Variants in ERCC6 observed in about 807,000 individuals in gnomAD.
The protein encoded by ERCC6 is ERCC excision repair 6, chromatin remodeling factor, also known as DNA excision repair protein ERCC-6.
Under a neutral mutation model 158.7 loss-of-function variants are expected in ERCC6, and 116 were observed. The ratio of observed to expected loss-of-function variants is 0.73; its 90% CI spans 0.63 to 0.85. The LOEUF is 0.85. Among genes scored for constraint, ERCC6 ranks in the 40% least tolerant of loss-of-function variants. The pLI, the probability that ERCC6 is intolerant of heterozygous loss-of-function variation, is 0.00. For missense variants in ERCC6, 1,698 were observed against 1,799.4 expected (o/e 0.94, Z 1.02); for synonymous variants, 678 against 659.3 (o/e 1.03, Z -0.43).
chr10:49,509,665 G>C (rs1419887241), intron 5 of ERCC6, among the ~76,000 whole-genome samples: 1 of 152,012 alleles, frequency 6.6e-6, no homozygotes, highest in Non-Finnish European at 1.5e-5. Context: ...GGTAGGGAGT[G>C]GGTAAGAATT....
At position 49,470,203 on chromosome 10, in the gene ERCC6, C is replaced by G; in HGVS notation, c.3757G>C (p.Glu1253Gln). 1.9e-6 allele frequency: 3 copies of G among 1,614,096 alleles called. No homozygotes were observed. Among genetic ancestry groups the G allele is most frequent in the South Asian group, 1.1e-5 (1 of 91,070 alleles). The change falls in exon 18 of 21, where the codon GAA (glutamate) becomes CAA (glutamine). Residue 1253 changes from glutamate to glutamine, a missense_variant. Physicochemically the swap from Glu to Gln is conservative, Grantham distance 29. Coordinates refer to ENST00000355832, the MANE Select transcript of ERCC6 (RefSeq NM_000124.4). ...TTACCTGATTTTTTGAAAAGCTTTTCCAAAACATAATCGTCATTGCTCTGT... is the reference window on the plus strand; with the variant it reads ...TTACCTGATTTTTTGAAAAGCTTTTGCAAAACATAATCGTCATTGCTCTGT... ...KEQSNDDYVL[E>Q]KLFKKSVGVH... is the part of the protein sequence containing the mutation.
rs1158542431 is a variant in ERCC6 at position 49,456,332 on chromosome 10, T to C, written c.*2483A>G. 1 of 152,180 alleles carries C rather than the reference T, an allele frequency of 6.6e-6. No individual in the cohort carries two copies. The highest frequency in any genetic ancestry group is 1.5e-5 in the Non-Finnish European group (1 of 68,034). The allele number at this position is 152,180 out of a possible 1,614,324, so 9.4% of individuals were successfully genotyped here. A position where few individuals can be genotyped will look rare whatever the true frequency, so the allele number is the denominator to read the frequency against. The stretch of plus-strand genomic sequence containing the variant: ...AAAGGGGAATGTCAAGGAGAGTGCA[T>C]ACCCTGCTTCTTTAAAGGGCCAATT... On this transcript the variant is annotated 3_prime_UTR_variant, in exon 21 of 21. Transcript: ENST00000355832.
At chr10:49,514,813 G>C (rs1465264948) in intron 5 of ERCC6, among the ~76,000 whole-genome samples, 1 of 152,176 alleles carries the variant, frequency 6.6e-6, no homozygotes, top group East Asian at 1.9e-4. Flanking sequence ...TTCTATTTCA[G>C]ACAGCTAAGA....
the ERCC6 span, among the ~76,000 whole-genome samples, chr10:49,445,694 G>A: frequency 2.0e-5 from 3 of 152,246 alleles, no homozygotes; most frequent in South Asian, 4.2e-4. Context: ...TCCGTTTAAC[G>A]ACATAGCTGA....
intron 4 of ERCC6, among the ~76,000 whole-genome samples, chr10:49,526,099 TTATATATTTATATATTTTTA>T (rs1411930035): frequency 4.1e-5 from 4 of 97,620 alleles, no homozygotes; most frequent in African/African-American, 1.7e-4. Context: ...ATTTATATAT[TTATATATTTATATATTTTTA>T]TATATATATA....
intron 5 of ERCC6, among the ~76,000 whole-genome samples, chr10:49,509,005 A>G (rs556084385): frequency 1.1e-4 from 16 of 152,282 alleles, no homozygotes; most frequent in African/African-American, 3.8e-4. Context: ...GTATATAAAC[A>G]TCCTGGGTTT....
chr10:49,520,287 A>G (rs1837118491), intron 5 of ERCC6, among the ~76,000 whole-genome samples: 1 of 152,210 alleles, frequency 6.6e-6, no homozygotes, highest in Admixed American at 6.5e-5. Flanking sequence ...TCCCAGTGAC[A>G]CTGCATAATC....
In ERCC6 at chr10:49,488,035, C is replaced by T. The variant is rs142500584; in HGVS notation, c.1822-4519G>A. On this transcript the variant is annotated intron_variant, in intron 8 of 20. Transcript: ENST00000355832. ...ATGGTGAATTGTTGAATATTATGGACGGCTCTATCCAAACACTTAAGACAA... is the reference window on the plus strand; with the variant it reads ...ATGGTGAATTGTTGAATATTATGGATGGCTCTATCCAAACACTTAAGACAA... 1.7e-3 allele frequency: 264 copies of T among 154,460 alleles called. 1 individual carries two copies. Among genetic ancestry groups the T allele is most frequent in the African/African-American group, 5.9e-3 (247 of 41,614 alleles). The allele number at this position is 154,460 out of a possible 1,614,324, so 9.6% of individuals were successfully genotyped here. A position where few individuals can be genotyped will look rare whatever the true frequency, so the allele number is the denominator to read the frequency against.
At chr10:49,515,717 A>G (rs759807037) in intron 5 of ERCC6, 1 of 1,614,158 alleles carries the variant, frequency 6.2e-7, no homozygotes, top group Non-Finnish European at 8.5e-7. Context: ...TGTTTTCATC[A>G]GCTCTGTCTA....
chr10:49,464,002 A>G (rs1405543474), intron 18 of ERCC6, among the ~76,000 whole-genome samples: 1 of 152,216 alleles, frequency 6.6e-6, no homozygotes, highest in Non-Finnish European at 1.5e-5. Context: ...AGATATCCCA[A>G]AATGTGGAAG....
chr10:49,524,579 T>C lies in ERCC6; in HGVS notation c.851A>G (p.Glu284Gly). 1 of 1,614,256 alleles carries C rather than the reference T, an allele frequency of 6.2e-7. No individual in the cohort carries two copies. The highest frequency in any genetic ancestry group is 8.5e-7 in the Non-Finnish European group (1 of 1,180,052). The stretch of plus-strand genomic sequence containing the variant: ...TTTATTACAACCTTGCTTCTTCCTT[T>C]CAAAAGACAGTTTTGCTTGATCTGC... ...YLADQAKLSF[E>G]RKKQGCNKRA... Residue 284 changes from glutamate to glycine, a missense_variant, in exon 5 of 21, where the codon GAA (glutamate) becomes GGA (glycine). Coordinates refer to ENST00000355832, the MANE Select transcript of ERCC6 (RefSeq NM_000124.4).
At chr10:49,529,548 C>T (rs1174611499) in intron 3 of ERCC6, among the ~76,000 whole-genome samples, 1 of 152,170 alleles carries the variant, frequency 6.6e-6, no homozygotes, top group African/African-American at 2.4e-5. Context: ...GACCCACCTG[C>T]CTTGGGCAAC....
intron 20 of ERCC6, among the ~76,000 whole-genome samples, chr10:49,459,620 C>G (rs1564725127): frequency 6.6e-6 from 1 of 152,136 alleles, no homozygotes; most frequent in African/African-American, 2.4e-5. Flanking sequence ...CAAATGGACC[C>G]TGTACACTGT....
Position 49,472,464 on chromosome 10 carries a change from C to G in ERCC6, c.2836G>C (p.Glu946Gln). The G allele has an allele frequency of 6.2e-7, 1 of 1,614,074 alleles. No individual in the cohort carries two copies. The highest frequency in any genetic ancestry group is 8.5e-7 in the Non-Finnish European group (1 of 1,180,006). The change falls in exon 16 of 21, where the codon GAG becomes CAG. Residue 946 changes from glutamate to glutamine, a missense_variant. Transcript: ENST00000355832. ...TTCTGGCCTATTCTCCATGCTCGCTCCCGGGCCTGCAACAGAGAGAGAGAG... is the reference window on the plus strand; with the variant it reads ...TTCTGGCCTATTCTCCATGCTCGCTGCCGGGCCTGCAACAGAGAGAGAGAG... ...WNPSTDTQAR[E>Q]RAWRIGQKKQ...
chr10:49,533,044 A>G, intron 1 of ERCC6, 66 bp from the exon 2 acceptor site: 2 of 1,532,470 alleles, frequency 1.3e-6, no homozygotes, highest in East Asian at 4.8e-5. Flanking sequence ...TAAATATTTT[A>G]TAATTAGAGC....
At chr10:49,512,512 G>A (rs545019491) in intron 5 of ERCC6, among the ~76,000 whole-genome samples, 1 of 152,144 alleles carries the variant, frequency 6.6e-6, no homozygotes, top group African/African-American at 2.4e-5. Context: ...ATCATTAAGT[G>A]GGCCTTAAGC....
intron 1 of ERCC6, among the ~76,000 whole-genome samples, chr10:49,536,165 G>A (rs1274928593): frequency 6.6e-6 from 1 of 152,158 alleles, no homozygotes; most frequent in Non-Finnish European, 1.5e-5. Context: ...AAACCAGACT[G>A]TAGTGGTTGA....
chr10:49,449,134 C>T, the ERCC6 span, among the ~76,000 whole-genome samples: 84 of 152,332 alleles, frequency 5.5e-4, no homozygotes, highest in Middle Eastern at 3.4e-3. Flanking sequence ...AATCTCTTGT[C>T]AACACTTGTT....
intron 4 of ERCC6, among the ~76,000 whole-genome samples, chr10:49,527,056 G>A (rs960816968): frequency 6.6e-6 from 1 of 152,184 alleles, no homozygotes; most frequent in East Asian, 1.9e-4. Context: ...CAGTAGAGAA[G>A]CAGGGATCCC....
Sources: allele counts gnomAD v4.1 joint callset (sites outside exome capture counted in the v4.1 genomes callset), GRCh38; gene constraint gnomAD v4.1.1; transcripts MANE v1.5; gene names NCBI Gene and HGNC (gene_info 2026-07-23, HGNC 2026-07-21).